ZNF385D: variants seen among roughly 807,000 people sequenced by gnomAD.
The protein encoded by ZNF385D is zinc finger protein 659.
Under a neutral mutation model 35.8 loss-of-function variants are expected in ZNF385D, and 15 were observed. That is an observed-to-expected ratio of 0.42 (90% confidence interval 0.28 to 0.64). The LOEUF (loss-of-function observed/expected upper bound fraction) is 0.64. Among genes scored for constraint, ZNF385D ranks in the 30% least tolerant of loss-of-function variants. ZNF385D has a pLI of 0.23. For missense variants in ZNF385D, 474 were observed against 494.6 expected (o/e 0.96, Z 0.39); for synonymous variants, 212 against 186.8 (o/e 1.13, Z -1.10).
intron 2 of ZNF385D, among the ~76,000 whole-genome samples, chr3:21,643,577 C>G (rs1401086325): frequency 6.6e-6 from 1 of 152,092 alleles, no homozygotes; most frequent in East Asian, 1.9e-4. Context: ...TCCCAGAATG[C>G]TCCTGTGACA....
chr3:22,043,078 T>C (rs553063575), intron 3 of ZNF385D, among the ~76,000 whole-genome samples: 3 of 149,504 alleles, frequency 2.0e-5, no homozygotes, highest in African/African-American at 7.3e-5. Context: ...CGATCATTCC[T>C]TGACATTTTT....
At chr3:21,946,337 A>T (rs971036683) in intron 3 of ZNF385D, among the ~76,000 whole-genome samples, 1 of 152,190 alleles carries the variant, frequency 6.6e-6, no homozygotes, top group African/African-American at 2.4e-5. Flanking sequence ...TCAATGCTGT[A>T]TATCATGTAC....
intron 3 of ZNF385D, among the ~76,000 whole-genome samples, chr3:21,931,634 T>C (rs1240440794): frequency 6.6e-6 from 1 of 152,100 alleles, no homozygotes; most frequent in Admixed American, 6.5e-5. Context: ...CATACTATGC[T>C]ATTGAGAGAT....
At chr3:21,684,360 G>T (rs1475745535) in intron 1 of ZNF385D, among the ~76,000 whole-genome samples, 1 of 82,770 alleles carries the variant, frequency 1.2e-5, no homozygotes, top group East Asian at 4.3e-4. Context: ...ATGGTTAACT[G>T]TTCTCCTCTC....
chr3:22,340,464 G>A (rs1439018623), intron 2 of ZNF385D, among the ~76,000 whole-genome samples: 1 of 152,054 alleles, frequency 6.6e-6, no homozygotes, highest in Admixed American at 6.6e-5. Flanking sequence ...TGGCCAACAT[G>A]GTGAAACCTT....
intron 3 of ZNF385D, among the ~76,000 whole-genome samples, chr3:21,895,587 C>A (rs1382721049): frequency 6.6e-6 from 1 of 150,924 alleles, no homozygotes; most frequent in Non-Finnish European, 1.5e-5. Flanking sequence ...GTGATCTGCC[C>A]ACCTCGGCCT....
rs551433810 is a variant in ZNF385D at position 21,938,074 on chromosome 3, A to G, written c.325+230743T>C. 9.8e-5 allele frequency among the ~76,000 whole-genome samples: 15 copies of G among 152,312 alleles called. No homozygotes were observed. The South Asian group carries it at 2.1e-3, about 21-fold the overall frequency. On this transcript the variant is annotated intron_variant, in intron 3 of 5. Transcript: ENST00000494108. ...TTTTATTTGCCTCAAATGATATTCA[A>G]CCGAACAGAATCCCAATGCATAGAA...
intron 2 of ZNF385D, among the ~76,000 whole-genome samples, chr3:22,299,531 A>G (rs888897902): frequency 2.0e-5 from 3 of 151,874 alleles, no homozygotes; most frequent in Non-Finnish European, 4.4e-5. Context: ...GGATAGTAAG[A>G]AGTTCCTGTT....
intron 2 of ZNF385D, among the ~76,000 whole-genome samples, chr3:22,340,458 C>A (rs900529272): frequency 1.3e-5 from 2 of 152,038 alleles, no homozygotes; most frequent in African/African-American, 4.8e-5. Flanking sequence ...CCAGCCTGGC[C>A]AACATGGTGA....
chr3:21,939,910 A>G (rs474387), intron 3 of ZNF385D, among the ~76,000 whole-genome samples: 28,942 of 152,164 alleles, frequency 0.19, 3,474 homozygotes, highest in East Asian at 0.39. Context: ...GGCAAAAGGA[A>G]AAAATTCACA....
chr3:22,272,780 T>G (rs763281586), intron 2 of ZNF385D, among the ~76,000 whole-genome samples: 6 of 152,036 alleles, frequency 3.9e-5, no homozygotes, highest in Non-Finnish European at 7.4e-5. Context: ...TAAGCCAAAT[T>G]GTAGTATCTC....
chr3:22,162,043 A>G (rs1426707257), intron 3 of ZNF385D, among the ~76,000 whole-genome samples: 2 of 152,132 alleles, frequency 1.3e-5, no homozygotes, highest in Non-Finnish European at 2.9e-5. Flanking sequence ...TCAACAAATG[A>G]TGTATATGAA....
At chr3:22,355,957 T>C (rs898006118) in intron 2 of ZNF385D, among the ~76,000 whole-genome samples, 3 of 152,036 alleles carry the variant, frequency 2.0e-5, no homozygotes, top group Admixed American at 1.3e-4. Flanking sequence ...AAATTCTGTG[T>C]GTTATCTTGT....
chr3:21,716,625 C>T (rs139972126), intron 1 of ZNF385D, among the ~76,000 whole-genome samples: 4,348 of 152,174 alleles, frequency 0.029, 87 homozygotes, highest in Admixed American at 0.039. Context: ...TTCACCTTTT[C>T]ATTGAAATCT....
chr3:21,822,273 C>T (rs1366096643), intron 3 of ZNF385D, among the ~76,000 whole-genome samples: 1 of 151,918 alleles, frequency 6.6e-6, no homozygotes, highest in Non-Finnish European at 1.5e-5. Context: ...GGGGTTTCAC[C>T]GTGTTAGCCA....
intron 3 of ZNF385D, among the ~76,000 whole-genome samples, chr3:21,954,535 G>C (rs578245525): frequency 2.0e-5 from 3 of 151,776 alleles, no homozygotes; most frequent in Non-Finnish European, 4.4e-5. Flanking sequence ...ATATTTACAC[G>C]GGACCCCTAG....
intron 3 of ZNF385D, among the ~76,000 whole-genome samples, chr3:22,008,397 G>C (rs988988742): frequency 1.4e-5 from 2 of 139,748 alleles, no homozygotes; most frequent in Non-Finnish European, 3.0e-5. Context: ...CTGTTGCCCA[G>C]GTTGGAGTGC....
intron 2 of ZNF385D, among the ~76,000 whole-genome samples, chr3:22,181,838 T>C (rs1695301051): frequency 6.6e-6 from 1 of 152,228 alleles, no homozygotes; most frequent in Non-Finnish European, 1.5e-5. Flanking sequence ...TTTTTCATGT[T>C]GTCTTACATT....
chr3:22,111,750 C>T (rs62246424), intron 3 of ZNF385D, among the ~76,000 whole-genome samples: 16,238 of 152,128 alleles, frequency 0.11, 1,088 homozygotes, highest in Middle Eastern at 0.19. Context: ...TCTTTTATCC[C>T]TTCTGACTAT....
Sources: allele counts gnomAD v4.1 joint callset (sites outside exome capture counted in the v4.1 genomes callset), GRCh38; gene constraint gnomAD v4.1.1; transcripts MANE v1.5; gene names NCBI Gene and HGNC (gene_info 2026-07-23, HGNC 2026-07-21).